RPH3A: variants seen among roughly 807,000 people sequenced by gnomAD.
RPH3A encodes the protein rabphilin-3A.
Under a neutral mutation model 102.2 loss-of-function variants are expected in RPH3A, and 48 were observed. The observed-to-expected ratio is 0.47, with a 90% CI of 0.37 to 0.60. RPH3A has a LOEUF of 0.60. Ranked by LOEUF, RPH3A falls within the 20% of genes least tolerant of loss-of-function variation. The probability of loss-of-function intolerance (pLI) is 0.00; values close to 1 mark genes in which losing one functional copy is unlikely to be tolerated. For synonymous variants in RPH3A, 310 were observed against 324.3 expected (o/e 0.96, Z 0.47); for missense variants, 781 against 910.1 (o/e 0.86, Z 1.83).
intron 21 of RPH3A, 85 bp from the exon 22 acceptor site, chr12:112,896,565 T>C: frequency 6.6e-7 from 1 of 1,524,316 alleles, no homozygotes; most frequent in South Asian, 1.2e-5. Context: ...CACTGCTTGG[T>C]GCAGTTTTTT....
intron 1 of RPH3A, among the ~76,000 whole-genome samples, chr12:112,674,304 G>C (rs776163717): frequency 8.5e-5 from 13 of 152,136 alleles, no homozygotes; most frequent in Non-Finnish European, 1.8e-4. Context: ...GAAAATGAAG[G>C]CTCAGAGACT....
intron 1 of RPH3A, among the ~76,000 whole-genome samples, chr12:112,608,211 G>T (rs993496894): frequency 2.6e-5 from 4 of 151,690 alleles, no homozygotes; most frequent in Admixed American, 2.6e-4. Context: ...TGCCTGCCGG[G>T]TTCAAGTGAT....
intron 1 of RPH3A, among the ~76,000 whole-genome samples, chr12:112,656,656 G>A (rs757304465): frequency 2.0e-5 from 3 of 152,052 alleles, no homozygotes; most frequent in Non-Finnish European, 2.9e-5. Flanking sequence ...CCCACTTATT[G>A]GTGAGAATAT....
chr12:112,812,588 A>G (rs1327334400), intron 2 of RPH3A, among the ~76,000 whole-genome samples: 3 of 152,192 alleles, frequency 2.0e-5, no homozygotes, highest in African/African-American at 7.2e-5. Flanking sequence ...TCTCACGGAG[A>G]AGAGTAAGTC....
At position 112,868,434 on chromosome 12, in the gene RPH3A, G is replaced by T; in HGVS notation, c.449G>T (p.Trp150Leu). The T allele has an allele frequency of 6.2e-7, 1 of 1,613,970 alleles. No homozygotes were observed. Among genetic ancestry groups the T allele is most frequent in the Admixed American group, 1.7e-5 (1 of 60,010 alleles). Residue 150 changes from tryptophan to leucine, a missense_variant, in exon 8 of 22, where the codon TGG becomes TTG. Trp to Leu is a moderately conservative substitution (Grantham distance 61). Transcript: ENST00000389385. ...CKICIEQREV[W>L]KRSGAWFFKG... Reference sequence around the variant, plus strand: ...TCCCTGTCTCTCCTCCCCAAGGTGTGGAAGCGTTCTGGAGCGTGGTTCTTC... The same window carrying T: ...TCCCTGTCTCTCCTCCCCAAGGTGTTGAAGCGTTCTGGAGCGTGGTTCTTC...
chr12:112,804,431 C>T (rs950551798), intron 2 of RPH3A, among the ~76,000 whole-genome samples: 3 of 152,214 alleles, frequency 2.0e-5, no homozygotes, highest in African/African-American at 7.2e-5. Flanking sequence ...GTGCTTGCTT[C>T]CCAGAGGGTG....
chr12:112,693,070 C>G (rs2040319595), intron 1 of RPH3A, among the ~76,000 whole-genome samples: 2 of 152,206 alleles, frequency 1.3e-5, no homozygotes, highest in African/African-American at 4.8e-5. Flanking sequence ...CAAGACTTCC[C>G]TTGGCTCATT....
At chr12:112,832,478 C>G (rs2041985454) in intron 3 of RPH3A, among the ~76,000 whole-genome samples, 1 of 152,142 alleles carries the variant, frequency 6.6e-6, no homozygotes, top group South Asian at 2.1e-4. Context: ...ACCATAAAAT[C>G]TCATTAGAAT....
intron 2 of RPH3A, among the ~76,000 whole-genome samples, chr12:112,818,718 A>C (rs1322528798): frequency 1.3e-5 from 2 of 152,172 alleles, no homozygotes; most frequent in African/African-American, 4.8e-5. Flanking sequence ...TGGACCACAC[A>C]GATTGATACT....
rs3036138 is a variant in RPH3A, at chr12:112,576,909, C to CTTTTTTTTT, written c.-140+1596_-140+1604dup. Among the ~76,000 whole-genome samples the CTTTTTTTTT allele has an allele frequency of 5.3e-3, 606 of 114,562 alleles. 59 individuals are homozygous for CTTTTTTTTT. Among genetic ancestry groups the CTTTTTTTTT allele is most frequent in the African/African-American group, 0.019 (541 of 27,984 alleles). The allele number at this position is 114,562 out of a possible 152,430, so 75.2% of individuals were successfully genotyped here. ...TTCTTTTCTTTTTTTTCTTTTCTTC[C>CTTTTTTTTT]TTTTTTTTTTTTTTGAGATAGAGTC... is the stretch of plus-strand genomic sequence containing the variant. On this transcript the variant is annotated intron_variant, in intron 1 of 21. Coordinates refer to the RPH3A transcript ENST00000543106.
At chr12:112,767,043 A>G (rs1319113740) in intron 1 of RPH3A, among the ~76,000 whole-genome samples, 1 of 152,206 alleles carries the variant, frequency 6.6e-6, no homozygotes, top group East Asian at 1.9e-4. Context: ...GATGCTCCAC[A>G]GAAATGTCTG....
At chr12:112,667,780 G>A (rs1284149962) in intron 1 of RPH3A, among the ~76,000 whole-genome samples, 1 of 151,576 alleles carries the variant, frequency 6.6e-6, no homozygotes, top group Non-Finnish European at 1.5e-5. Flanking sequence ...GAGGATCACT[G>A]AAGTCAGGAG....
Position 112,712,981 on chromosome 12 carries a change from TTCGTCG to T in RPH3A, c.-139-79159_-139-79154del, listed in dbSNP as rs1565857020. ...TCTTCTTCTTTCTTCTTCTTTCTTC[TTCGTCG>T]TCTTTGTCTTCCTCTTCCTCTTCCT... On this transcript the variant is annotated intron_variant, in intron 1 of 21. Coordinates refer to the RPH3A transcript ENST00000543106. 5.0e-4 allele frequency among the ~76,000 whole-genome samples: 57 copies of T among 112,884 alleles called. 1 individual carries two copies. The highest frequency in any genetic ancestry group is 2.9e-3 in the South Asian group (8 of 2,744). 74.1% of individuals were successfully genotyped at this position (112,884 alleles called of 152,430 possible). A position where few individuals can be genotyped will look rare whatever the true frequency, so the allele number is the denominator to read the frequency against.
intron 7 of RPH3A, among the ~76,000 whole-genome samples, chr12:112,867,967 G>A (rs1012052442): frequency 6.6e-5 from 10 of 152,198 alleles, no homozygotes; most frequent in African/African-American, 2.4e-4. Context: ...AATGGAAGAT[G>A]TTTCACACAC....
chr12:112,756,427 G>T (rs916497915), intron 1 of RPH3A, among the ~76,000 whole-genome samples: 4 of 152,136 alleles, frequency 2.6e-5, no homozygotes, highest in Admixed American at 2.0e-4. Context: ...GGTCAGGCTG[G>T]TCTCAAACTC....
intron 1 of RPH3A, among the ~76,000 whole-genome samples, chr12:112,673,194 A>C (rs2040147370): frequency 6.6e-6 from 1 of 152,162 alleles, no homozygotes; most frequent in African/African-American, 2.4e-5. Context: ...CGATAAAATT[A>C]AAGAATTATT....
In RPH3A at chr12:112,655,781, C is replaced by A. The variant is rs182899989; in HGVS notation, c.-140+80462C>A. Among the ~76,000 whole-genome samples the A allele has an allele frequency of 1.9e-3, 282 of 151,964 alleles. 4 individuals are homozygous for A. The highest frequency in any genetic ancestry group is 2.7e-3 in the South Asian group (13 of 4,790). On this transcript the variant is annotated intron_variant, in intron 1 of 21. Coordinates refer to the RPH3A transcript ENST00000543106. ...AGAGACGGGGTTTTGCCATTTTGACCAGGCTGTTCTTGAACTCCTGACCTC... is the reference window on the plus strand; with the variant it reads ...AGAGACGGGGTTTTGCCATTTTGACAAGGCTGTTCTTGAACTCCTGACCTC...
intron 15 of RPH3A, among the ~76,000 whole-genome samples, chr12:112,882,958 A>G (rs575847984): frequency 6.6e-6 from 1 of 152,194 alleles, no homozygotes; most frequent in Non-Finnish European, 1.5e-5. Flanking sequence ...CCCTGCCTAA[A>G]TGGGAATGGG....
At chr12:112,810,973 G>T (rs551373421) in intron 2 of RPH3A, among the ~76,000 whole-genome samples, 1 of 152,118 alleles carries the variant, frequency 6.6e-6, no homozygotes, top group South Asian at 2.1e-4. Context: ...ATATATGTGT[G>T]TGTGTGTGTG....
Sources: gnomAD v4.1 joint callset for allele counts (sites outside exome capture counted in the v4.1 genomes callset) on GRCh38, gnomAD v4.1.1 for gene constraint, MANE v1.5 for transcripts, NCBI Gene and HGNC (gene_info 2026-07-23, HGNC 2026-07-21) for gene names.